RHOU: variants seen among roughly 807,000 people sequenced by gnomAD.
RHOU encodes ras homolog family member U, also known as rho-related GTP-binding protein RhoU.
A neutral mutation model predicts 12.6 loss-of-function variants in RHOU; 8 were observed. The observed-to-expected ratio is 0.64, with a 90% confidence interval of 0.37 to 1.15. The LOEUF (loss-of-function observed/expected upper bound fraction) is 1.15, where lower values mean the gene tolerates loss of function less well. RHOU is among the 50% of genes most tolerant of loss of function. The probability of loss-of-function intolerance (pLI) is 0.01; values close to 1 mark genes in which losing one functional copy is unlikely to be tolerated. For synonymous variants in RHOU, 161 were observed against 147.4 expected (o/e 1.09, Z -0.67); for missense variants, 258 against 347.0 (o/e 0.74, Z 2.04).
the RHOU span, among the ~76,000 whole-genome samples, chr1:228,712,144 A>G: frequency 1.3e-5 from 2 of 152,120 alleles, no homozygotes; most frequent in Admixed American, 6.6e-5. Flanking sequence ...GGCAATCATT[A>G]AAAAGTCAGG....
the RHOU span, chr1:228,651,393 G>C: frequency 6.4e-6 from 1 of 155,926 alleles, no homozygotes; most frequent in African/African-American, 2.4e-5. Context: ...TGGGATAGAG[G>C]AACAAGCCCA....
chr1:228,664,938 C>T, the RHOU span, among the ~76,000 whole-genome samples: 1 of 152,184 alleles, frequency 6.6e-6, no homozygotes, highest in Non-Finnish European at 1.5e-5. Flanking sequence ...AGGTGTGAGC[C>T]ACCGTGCCCG....
At chr1:228,723,630 A>G in the RHOU span, among the ~76,000 whole-genome samples, 1 of 152,246 alleles carries the variant, frequency 6.6e-6, no homozygotes, top group Non-Finnish European at 1.5e-5. Context: ...TCAGGCTCTA[A>G]GAGCTAAGAG....
the RHOU span, among the ~76,000 whole-genome samples, chr1:228,691,731 A>C: frequency 2.6e-5 from 4 of 152,340 alleles, no homozygotes; most frequent in East Asian, 1.9e-4. Context: ...TTGTGTGGAC[A>C]TAAGTTTTGC....
At chr1:228,705,309 C>T in the RHOU span, among the ~76,000 whole-genome samples, 1 of 151,926 alleles carries the variant, frequency 6.6e-6, no homozygotes, top group African/African-American at 2.4e-5. Context: ...TTTAAATTAC[C>T]TTTAGTAAGA....
the RHOU span, among the ~76,000 whole-genome samples, chr1:228,707,255 A>ATAGT: frequency 2.7e-4 from 11 of 40,710 alleles, no homozygotes; most frequent in Non-Finnish European, 4.9e-4. Flanking sequence ...ATATATATAT[A>ATAGT]GTGTGTGTGT....
chr1:228,668,348 G>T, the RHOU span, among the ~76,000 whole-genome samples: 1,051 of 152,288 alleles, frequency 6.9e-3, 5 homozygotes, highest in Non-Finnish European at 6.5e-3. Flanking sequence ...CTAAAAAGAG[G>T]GTTGTGGAAA....
At chr1:228,740,126 A>G (rs1662691441) in intron 2 of RHOU, among the ~76,000 whole-genome samples, 1 of 152,256 alleles carries the variant, frequency 6.6e-6, no homozygotes, top group Admixed American at 6.5e-5. Context: ...CTGAATCATC[A>G]AGGAAGAGTT....
the RHOU span, among the ~76,000 whole-genome samples, chr1:228,676,493 G>A: frequency 1.3e-5 from 2 of 151,354 alleles, no homozygotes; most frequent in Non-Finnish European, 2.9e-5. Flanking sequence ...TCTCCATCTC[G>A]AAAAAAAACT....
At chr1:228,668,590 C>G in the RHOU span, among the ~76,000 whole-genome samples, 3 of 152,314 alleles carry the variant, frequency 2.0e-5, no homozygotes, top group South Asian at 2.1e-4. Context: ...TGGGCAGAAA[C>G]AGATCATAGT....
the RHOU span, among the ~76,000 whole-genome samples, chr1:228,699,258 C>T: frequency 1.3e-5 from 2 of 150,466 alleles, no homozygotes; most frequent in Non-Finnish European, 3.0e-5. Context: ...CCAATCTGGG[C>T]AACAAGAGTG....
At chr1:228,681,861 G>A in the RHOU span, among the ~76,000 whole-genome samples, 2 of 152,164 alleles carry the variant, frequency 1.3e-5, no homozygotes, top group African/African-American at 2.4e-5. Context: ...ACGGAGAAGC[G>A]GGGTGGGGAG....
the RHOU span, among the ~76,000 whole-genome samples, chr1:228,716,008 G>T: frequency 6.6e-6 from 1 of 151,570 alleles, no homozygotes; most frequent in African/African-American, 2.4e-5. Context: ...AACATCTTAG[G>T]CTCAAGCAAT....
At chr1:228,731,753 T>G (rs1662501430), upstream of RHOU, among the ~76,000 whole-genome samples, 1 of 150,984 alleles carries the variant, frequency 6.6e-6, no homozygotes, top group African/African-American at 2.4e-5. Flanking sequence ...AGGGGTGGGT[T>G]GCTGGAAGTC....
the RHOU span, among the ~76,000 whole-genome samples, chr1:228,682,620 C>A: frequency 3.3e-5 from 5 of 152,000 alleles, no homozygotes; most frequent in African/African-American, 1.2e-4. Flanking sequence ...TGCAAAGAAA[C>A]TTCTTAAGGG....
the RHOU span, among the ~76,000 whole-genome samples, chr1:228,719,714 A>G: frequency 6.6e-6 from 1 of 152,178 alleles, no homozygotes; most frequent in African/African-American, 2.4e-5. Context: ...CGGGCGACAG[A>G]ACATGACTCT....
At chr1:228,730,679 G>A (rs1246674418), upstream of RHOU, among the ~76,000 whole-genome samples, 2 of 152,140 alleles carry the variant, frequency 1.3e-5, no homozygotes, top group Non-Finnish European at 2.9e-5. Context: ...TCCTCTTATA[G>A]GGTATTGAAA....
the RHOU span, among the ~76,000 whole-genome samples, chr1:228,716,220 C>CA: frequency 1.3e-5 from 2 of 152,120 alleles, no homozygotes; most frequent in African/African-American, 4.8e-5. Flanking sequence ...TCCAGGTGGA[C>CA]ATTGTTTTAA....
chr1:228,711,661 A>G, the RHOU span, among the ~76,000 whole-genome samples: 1 of 152,260 alleles, frequency 6.6e-6, no homozygotes, highest in East Asian at 1.9e-4. Flanking sequence ...AATTAATTCA[A>G]GATGGGTTAA....
Sources: gnomAD v4.1 joint callset for allele counts (sites outside exome capture counted in the v4.1 genomes callset) on GRCh38, gnomAD v4.1.1 for gene constraint, MANE v1.5 for transcripts, NCBI Gene and HGNC (gene_info 2026-07-23, HGNC 2026-07-21) for gene names.